Variants in RAP1GAP2 observed in about 807,000 individuals in gnomAD.
RAP1GAP2 encodes the protein RAP1 GTPase activating protein 2, also known as rap1 GTPase-activating protein 2.
In RAP1GAP2, 27 loss-of-function variants were observed where a neutral mutation model predicts 95.0. The observed-to-expected ratio is 0.28, with a 90% CI of 0.21 to 0.39. The LOEUF (loss-of-function observed/expected upper bound fraction) is 0.39. Among genes scored for constraint, RAP1GAP2 ranks in the 10% least tolerant of loss-of-function variants. The probability of loss-of-function intolerance (pLI) is 1.00; values close to 1 mark genes in which losing one functional copy is unlikely to be tolerated. For synonymous variants in RAP1GAP2, 373 were observed against 380.9 expected, an observed-to-expected ratio of 0.98 and a Z score of 0.24; for missense variants, 771 against 970.0, an observed-to-expected ratio of 0.79 and a Z score of 2.72.
At chr17:2,837,486 G>C (rs2071186174) in intron 2 of RAP1GAP2, among the ~76,000 whole-genome samples, 1 of 152,038 alleles carries the variant, frequency 6.6e-6, no homozygotes, top group African/African-American at 2.4e-5. Context: ...TCTGGTGATG[G>C]GCATCGGGAG....
At position 2,936,480 on chromosome 17, in the gene RAP1GAP2, C is replaced by T. The variant is rs117062464; in HGVS notation, c.166-21279C>T. The stretch of plus-strand genomic sequence containing the variant: ...GACAAACGCACTCACCTTCTTCCTC[C>T]CTCTTCCTCTCCTTCCTCCCTGCCT... On this transcript the variant is annotated intron_variant, in intron 3 of 24. Coordinates refer to ENST00000254695, the MANE Select transcript of RAP1GAP2 (RefSeq NM_015085.5). 2.6e-3 allele frequency among the ~76,000 whole-genome samples: 392 copies of T among 151,972 alleles called. 10 individuals carry two copies. The East Asian group carries it at 0.058, about 22-fold the overall frequency.
At chr17:2,948,900 G>A (rs2043811581) in intron 3 of RAP1GAP2, among the ~76,000 whole-genome samples, 1 of 152,190 alleles carries the variant, frequency 6.6e-6, no homozygotes, top group Non-Finnish European at 1.5e-5. Flanking sequence ...CGCCTGGGCA[G>A]TGGGCTGGCA....
intron 20 of RAP1GAP2, 105 bp from the exon 21 acceptor site, chr17:3,026,245 C>T (rs1281274730): frequency 6.1e-6 from 8 of 1,309,046 alleles, no homozygotes; most frequent in Admixed American, 4.0e-5. Flanking sequence ...ACACAAAGGC[C>T]GACGGGTGGG....
intron 3 of RAP1GAP2, among the ~76,000 whole-genome samples, chr17:2,953,106 A>G (rs1408099509): frequency 2.6e-5 from 4 of 151,444 alleles, no homozygotes; most frequent in Non-Finnish European, 5.9e-5. Flanking sequence ...ACTGCACCAG[A>G]CCCCTCATTT....
chr17:2,814,743 A>C (rs1330542654), intron 2 of RAP1GAP2, among the ~76,000 whole-genome samples: 6 of 151,742 alleles, frequency 4.0e-5, no homozygotes, highest in African/African-American at 1.4e-4. Context: ...ACCCCCCCCA[A>C]CCCCAACACC....
At chr17:2,890,342 T>C (rs921543082) in intron 2 of RAP1GAP2, among the ~76,000 whole-genome samples, 1 of 152,172 alleles carries the variant, frequency 6.6e-6, no homozygotes, top group African/African-American at 2.4e-5. Flanking sequence ...ATTGAAACTG[T>C]TATTTAGTTT....
chr17:2,946,231 T>C (rs2043694242), intron 3 of RAP1GAP2, among the ~76,000 whole-genome samples: 1 of 152,250 alleles, frequency 6.6e-6, no homozygotes, highest in Non-Finnish European at 1.5e-5. Flanking sequence ...ATAAAGATAC[T>C]GGCCTGTAGT....
At chr17:2,774,038 A>C (rs1025131286), upstream of RAP1GAP2, among the ~76,000 whole-genome samples, 1 of 152,104 alleles carries the variant, frequency 6.6e-6, no homozygotes, top group Non-Finnish European at 1.5e-5. Context: ...GATTACAGGC[A>C]TGAGCCATCG....
intron 2 of RAP1GAP2, among the ~76,000 whole-genome samples, chr17:2,852,846 G>T (rs758789039): frequency 6.6e-6 from 1 of 152,206 alleles, no homozygotes; most frequent in Non-Finnish European, 1.5e-5. Flanking sequence ...GTAGGGACCA[G>T]GCCACAGCCC....
chr17:2,997,297 TCTC>T (rs1362193905), intron 13 of RAP1GAP2, among the ~76,000 whole-genome samples: 1 of 152,122 alleles, frequency 6.6e-6, no homozygotes, highest in Non-Finnish European at 1.5e-5. Context: ...CCCTGACACG[TCTC>T]CTCCTCCAGG....
At chr17:2,997,428 G>A (rs894030753) in intron 13 of RAP1GAP2, among the ~76,000 whole-genome samples, 23 of 152,166 alleles carry the variant, frequency 1.5e-4, no homozygotes, top group African/African-American at 4.8e-4. Flanking sequence ...GGCTTTGTTA[G>A]TTTTCTCAGG....
chr17:3,026,830 C>G (rs1242902699), intron 21 of RAP1GAP2, 114 bp from the exon 22 acceptor site: 1 of 1,331,682 alleles, frequency 7.5e-7, no homozygotes, highest in African/African-American at 1.5e-5. Context: ...AGAGCAGGCC[C>G]AAGTGGGGAG....
intron 20 of RAP1GAP2, 54 bp from the exon 21 acceptor site, chr17:3,026,296 G>A (rs1442550130): frequency 1.4e-6 from 2 of 1,456,144 alleles, no homozygotes; most frequent in Non-Finnish European, 1.9e-6. Context: ...GGACCCTGGG[G>A]GTGGAGGGCT....
At chr17:2,905,159 T>C (rs189589984) in intron 2 of RAP1GAP2, 125 bp from the exon 3 acceptor site, 9 of 790,782 alleles carry the variant, frequency 1.1e-5, no homozygotes, top group Non-Finnish European at 1.8e-5. Flanking sequence ...CTGGGATTAC[T>C]GGCGTGAGCC....
At chr17:3,031,857 C>G (rs1162003823) in intron 23 of RAP1GAP2, among the ~76,000 whole-genome samples, 1 of 146,906 alleles carries the variant, frequency 6.8e-6, no homozygotes, top group African/African-American at 2.5e-5. Context: ...ATCGAGAGCT[C>G]CAGGTCCAGA....
rs563857161 is a variant in RAP1GAP2 at position 2,905,236 on chromosome 17, G to A, written c.81-48G>A. The A allele has an allele frequency of 6.4e-6, 10 of 1,552,196 alleles. No homozygotes were observed. The African/African-American group carries it at 1.4e-4, about 21-fold the overall frequency. ...GCCCAGTCACTCTTGGAGGAGAGAA[G>A]GGAAGGCGCAGGCAGGTCCTCACTC... On this transcript the variant is annotated intron_variant, in intron 2 of 24. Coordinates refer to ENST00000254695, the MANE Select transcript of RAP1GAP2 (RefSeq NM_015085.5).
intron 2 of RAP1GAP2, among the ~76,000 whole-genome samples, chr17:2,894,411 C>T (rs1382681730): frequency 6.6e-6 from 1 of 152,194 alleles, no homozygotes; most frequent in East Asian, 1.9e-4. Flanking sequence ...GACTGGGTGA[C>T]AGAGCGAGAC....
At chr17:2,957,267 G>T (rs977361609) in intron 3 of RAP1GAP2, among the ~76,000 whole-genome samples, 1 of 152,212 alleles carries the variant, frequency 6.6e-6, no homozygotes, top group Non-Finnish European at 1.5e-5. Flanking sequence ...AGAGGCAGAG[G>T]TGGCATAGCG....
intron 2 of RAP1GAP2, among the ~76,000 whole-genome samples, chr17:2,883,322 T>C (rs2073373211): frequency 6.6e-6 from 1 of 152,104 alleles, no homozygotes; most frequent in Non-Finnish European, 1.5e-5. Flanking sequence ...CCAGGGACGC[T>C]CCTCCATTCT....
Sources: gnomAD v4.1 joint callset for allele counts (sites outside exome capture counted in the v4.1 genomes callset) on GRCh38, gnomAD v4.1.1 for gene constraint, MANE v1.5 for transcripts, NCBI Gene and HGNC (gene_info 2026-07-23, HGNC 2026-07-21) for gene names.